Variants in CRIM1 observed in about 807,000 individuals in gnomAD.
CRIM1 encodes cysteine-rich motor neuron 1 protein.
A neutral mutation model predicts 116.4 loss-of-function variants in CRIM1; 32 were observed. The observed-to-expected ratio is 0.27, with a 90% CI of 0.21 to 0.37. The LOEUF is 0.37. CRIM1 is among the 10% of genes least tolerant of loss of function. CRIM1 has a pLI of 1.00. For missense variants in CRIM1, 1,331 were observed against 1,354.8 expected (o/e 0.98, Z 0.28); for synonymous variants, 590 against 509.2 (o/e 1.16, Z -2.13).
intron 1 of CRIM1, among the ~76,000 whole-genome samples, chr2:36,367,421 A>T (rs981768007): frequency 6.6e-6 from 1 of 152,196 alleles, no homozygotes; most frequent in Non-Finnish European, 1.5e-5. Flanking sequence ...ATGGCTTTTG[A>T]ATCCCCCTTC....
chr2:36,503,175 C>A (rs1039723683), intron 8 of CRIM1, among the ~76,000 whole-genome samples: 1 of 152,108 alleles, frequency 6.6e-6, no homozygotes, highest in African/African-American at 2.4e-5. Flanking sequence ...CAGATTCTTG[C>A]GATCGTATGC....
chr2:36,479,576 A>G lies in CRIM1; in HGVS notation c.1254A>G (p.Glu418=). 6.2e-7 allele frequency: 1 copy of G among 1,614,212 alleles called. No individual in the cohort carries two copies. The highest frequency in any genetic ancestry group is 8.5e-7 in the Non-Finnish European group (1 of 1,180,038). Reference sequence around the variant, plus strand: ...TTGCCCACGGAGACCGGTGGCGGGAAGACGACTGCACATTCTGCCAGTGCG... The same window carrying G: ...TTGCCCACGGAGACCGGTGGCGGGAGGACGACTGCACATTCTGCCAGTGCG... ...LILAHGDRWR[E]DDCTFCQCVN... is the part of the protein sequence containing the mutation. Residue 418 remains glutamate, a synonymous_variant, in exon 7 of 17, where the codon GAA becomes GAG. Transcript: ENST00000280527.
chr2:36,414,557 A>G (rs1032653099), intron 2 of CRIM1, among the ~76,000 whole-genome samples: 7 of 152,188 alleles, frequency 4.6e-5, no homozygotes, highest in Non-Finnish European at 2.9e-5. Flanking sequence ...ATTGCTGTTG[A>G]CGTACAGGGT....
In CRIM1 at chr2:36,504,475, A is replaced by G. The variant is rs368096762; in HGVS notation, c.1501+5128A>G. Among the ~76,000 whole-genome samples the G allele has an allele frequency of 2.6e-5, 4 of 152,356 alleles. No individual in the cohort carries two copies. In the East Asian group the frequency reaches 7.7e-4, roughly 29 times the overall value. On this transcript the variant is annotated intron_variant, in intron 8 of 16. Transcript: ENST00000280527. Reference sequence around the variant, plus strand: ...TGCTTCAAAAGTATGTGGCAAGTATATGATACAGAATTCTTTCATTTGAAC... The same window carrying G: ...TGCTTCAAAAGTATGTGGCAAGTATGTGATACAGAATTCTTTCATTTGAAC...
At chr2:36,405,819 A>G (rs1182686716) in intron 2 of CRIM1, among the ~76,000 whole-genome samples, 1 of 152,210 alleles carries the variant, frequency 6.6e-6, no homozygotes, top group African/African-American at 2.4e-5. Flanking sequence ...TCATTATGCA[A>G]TTAAAAAATT....
intron 2 of CRIM1, among the ~76,000 whole-genome samples, chr2:36,433,533 CTGTT>C (rs1675062855): frequency 1.3e-5 from 2 of 152,182 alleles, no homozygotes; most frequent in African/African-American, 4.8e-5. Flanking sequence ...TAAAGATTCT[CTGTT>C]TGCTTGGAGT....
chr2:36,370,496 T>G (rs1024864495), intron 1 of CRIM1, among the ~76,000 whole-genome samples: 2 of 152,188 alleles, frequency 1.3e-5, no homozygotes, highest in East Asian at 3.8e-4. Flanking sequence ...GAAAAGACTT[T>G]CTGCCAACTG....
At chr2:36,478,075 C>G (rs1021346565) in intron 6 of CRIM1, among the ~76,000 whole-genome samples, 4 of 152,286 alleles carry the variant, frequency 2.6e-5, no homozygotes, top group African/African-American at 9.6e-5. Context: ...ATGCCACTTT[C>G]CATACTTCCT....
At chr2:36,416,274 A>G (rs953585270) in intron 2 of CRIM1, among the ~76,000 whole-genome samples, 3 of 152,160 alleles carry the variant, frequency 2.0e-5, no homozygotes, top group Admixed American at 6.5e-5. Context: ...GATAACTTTC[A>G]TGATATGCTA....
chr2:36,511,036 A>ACCTCAG lies in CRIM1; in HGVS notation c.1658+920_1658+925dup, dbSNP rs913394547. On this transcript the variant is annotated intron_variant, in intron 9 of 16. Coordinates refer to ENST00000280527, the MANE Select transcript of CRIM1 (RefSeq NM_016441.3). ...AACCTCCCAGGCTGTCAGTCCTCCCACCTCAGCCTCAGCCTCAGCCTCAGC... is the reference window on the plus strand; with the variant it reads ...AACCTCCCAGGCTGTCAGTCCTCCCACCTCAGCCTCAGCCTCAGCCTCAGCCTCAGC... Among the ~76,000 whole-genome samples, 608 of 143,874 alleles carry ACCTCAG rather than the reference A, an allele frequency of 4.2e-3. 3 individuals are homozygous for ACCTCAG. The highest frequency in any genetic ancestry group is 0.014 in the African/African-American group (548 of 38,376). 94.4% of individuals were successfully genotyped at this position (143,874 alleles called of 152,430 possible).
intron 7 of CRIM1, among the ~76,000 whole-genome samples, chr2:36,492,306 G>A (rs1315602306): frequency 6.6e-6 from 1 of 152,140 alleles, no homozygotes; most frequent in Non-Finnish European, 1.5e-5. Flanking sequence ...GTTGTTATGA[G>A]AAGTGTACAA....
At chr2:36,530,272 C>T (rs1051265219) in intron 13 of CRIM1, among the ~76,000 whole-genome samples, 2 of 152,092 alleles carry the variant, frequency 1.3e-5, no homozygotes, top group East Asian at 1.9e-4. Context: ...GGTGAGTCAG[C>T]GCATTGAAAA....
chr2:36,517,852 G>A (rs1023470517), intron 12 of CRIM1, among the ~76,000 whole-genome samples: 5 of 152,112 alleles, frequency 3.3e-5, no homozygotes, highest in Admixed American at 1.3e-4. Flanking sequence ...AAGTCCCACC[G>A]CACCAAATTA....
At chr2:36,443,574 A>T (rs544330363) in intron 4 of CRIM1, among the ~76,000 whole-genome samples, 6 of 152,314 alleles carry the variant, frequency 3.9e-5, no homozygotes, top group Non-Finnish European at 7.3e-5. Context: ...TAATAGGATG[A>T]GTTAAAACTG....
intron 13 of CRIM1, among the ~76,000 whole-genome samples, chr2:36,534,438 A>AGG (rs199698327): frequency 2.5e-5 from 3 of 122,000 alleles, no homozygotes; most frequent in African/African-American, 9.9e-5. Context: ...GGGGACAGGA[A>AGG]GGGAGGGAGA....
Position 36,412,424 on chromosome 2 carries a change from C to T in CRIM1, c.505+15637C>T, listed in dbSNP as rs550468969. Among the ~76,000 whole-genome samples, 7 of 152,246 alleles carry T rather than the reference C, an allele frequency of 4.6e-5. No homozygotes were observed. The South Asian group carries it at 1.0e-3, about 23-fold the overall frequency. On this transcript the variant is annotated intron_variant, in intron 2 of 16. Coordinates refer to ENST00000280527, the MANE Select transcript of CRIM1 (RefSeq NM_016441.3). ...TGGAGAAGCCTCCATATTTGGCCAT[C>T]GAGAGATTGGCAGTGGGAATTCTTG...
rs571671804 is a variant in CRIM1, at chr2:36,356,041, G to C, written c.-252G>C. ...TTTTTCTTTTTTCCCCCTCCCTCCC[G>C]GGAGGAGGAGGAGGAGGAGGAGGGG... On this transcript the variant is annotated 5_prime_UTR_variant, in exon 1 of 17. Transcript: ENST00000280527. This position sits in a 1 kb window ranked among gnomAD's most constrained non-coding sequence, Gnocchi z 4.3. 4 of 152,388 alleles carry C rather than the reference G, an allele frequency of 2.6e-5. No individual in the cohort carries two copies. The highest frequency in any genetic ancestry group is 2.0e-4 in the Admixed American group (3 of 15,198). The allele number at this position is 152,388 out of a possible 1,614,324, so 9.4% of individuals were successfully genotyped here.
chr2:36,433,223 A>G (rs529174573), intron 2 of CRIM1, among the ~76,000 whole-genome samples: 2 of 147,112 alleles, frequency 1.4e-5, no homozygotes, highest in East Asian at 2.5e-4. Context: ...CTGCATTTCC[A>G]GCAAGCTCCC....
chr2:36,537,225 T>C, intron 13 of CRIM1, 127 bp from the exon 14 acceptor site: 1 of 872,896 alleles, frequency 1.1e-6, no homozygotes, highest in Non-Finnish European at 1.7e-6. Flanking sequence ...AACAAAAGTT[T>C]CACCAAGTTC....
Sources: allele counts gnomAD v4.1 joint callset (sites outside exome capture counted in the v4.1 genomes callset), GRCh38; gene constraint gnomAD v4.1.1; non-coding constraint Gnocchi (gnomAD v3.1); transcripts MANE v1.5; gene names NCBI Gene and HGNC (gene_info 2026-07-23, HGNC 2026-07-21).